DHRS1: variants seen among roughly 807,000 people sequenced by gnomAD.
DHRS1 encodes the protein dehydrogenase/reductase 1.
In DHRS1, 34 loss-of-function variants were observed where a neutral mutation model predicts 35.2. The observed-to-expected ratio is 0.97, with a 90% CI of 0.74 to 1.29. The LOEUF (loss-of-function observed/expected upper bound fraction) is 1.29, where lower values mean the gene tolerates loss of function less well. Among genes scored for constraint, DHRS1 ranks in the 50% most tolerant of loss-of-function variants. The pLI, the probability that DHRS1 is intolerant of heterozygous loss-of-function variation, is 0.00. For synonymous variants in DHRS1, 133 were observed against 160.0 expected (o/e 0.83, Z 1.27); for missense variants, 354 against 403.6 (o/e 0.88, Z 1.05).
intron 5 of DHRS1, 61 bp from the exon 6 acceptor site, chr14:24,292,391 C>A: frequency 6.2e-7 from 1 of 1,600,950 alleles, no homozygotes; most frequent in South Asian, 1.1e-5. Context: ...CTGCCCTGCC[C>A]TCTCTGCTTC....
At chr14:24,292,142 G>A (rs200703461) in intron 6 of DHRS1, 42 bp downstream of exon 6, 16 of 1,612,078 alleles carry the variant, frequency 9.9e-6, no homozygotes, top group South Asian at 3.3e-5. Flanking sequence ...TGCAGAGGCC[G>A]ACTCCCCTGT....
At position 24,299,158 on chromosome 14, in the gene DHRS1, G is replaced by A. The variant is rs779067737; in HGVS notation, c.-24-28C>T. The A allele has an allele frequency of 1.3e-5, 20 of 1,577,910 alleles. 1 individual carries two copies. The African/African-American group carries it at 1.5e-4, about 12-fold the overall frequency. ...GTGGAAGCAAAGACTTACTCTGAGG[G>A]AAGCCTGGAGACTGTGTGTGTGTTG... On this transcript the variant is annotated intron_variant, in intron 1 of 8. Coordinates refer to ENST00000288111, the MANE Select transcript of DHRS1 (RefSeq NM_001136050.3).
At position 24,291,546 on chromosome 14, in the gene DHRS1, C is replaced by G. The variant is rs779620619; in HGVS notation, c.724+10G>C. The G allele has an allele frequency of 1.9e-6, 3 of 1,614,042 alleles. No homozygotes were observed. In the South Asian group the frequency reaches 3.3e-5, roughly 18 times the overall value. The stretch of plus-strand genomic sequence containing the variant: ...GCCCTTTCTTATTACCAGCTGCCCC[C>G]AAACTTCACCTGTTGCCAAAGCCAC... On this transcript the variant is annotated intron_variant, in intron 7 of 8. Coordinates refer to ENST00000288111, the MANE Select transcript of DHRS1 (RefSeq NM_001136050.3).
At chr14:24,297,018 G>C in intron 2 of DHRS1, 137 bp from the exon 3 acceptor site, 1 of 1,166,650 alleles carries the variant, frequency 8.6e-7, no homozygotes, top group Non-Finnish European at 1.2e-6. Context: ...AACATGGCAG[G>C]CAACGCTGCC....
At chr14:24,294,134 A>G (rs1189360464) in intron 4 of DHRS1, 2 of 152,240 alleles carry the variant, frequency 1.3e-5, no homozygotes, top group Non-Finnish European at 2.9e-5. Context: ...GTACTGAAAG[A>G]AAACATGATC....
chr14:24,292,073 C>T, intron 6 of DHRS1, 111 bp downstream of exon 6: 2 of 1,359,826 alleles, frequency 1.5e-6, no homozygotes, highest in South Asian at 2.5e-5. Flanking sequence ...CATGCTCAGC[C>T]CTGCACCTGC....
rs1225944204 is a variant in DHRS1, at chr14:24,296,894, A to T, written c.151-13T>A. ...CGAGGGATTGTGCCTGGAGTAGGAC[A>T]GGGGATATGAGCTCACATTCACACA... On this transcript the variant is annotated splice_polypyrimidine_tract_variant and intron_variant, in intron 2 of 8. Coordinates refer to ENST00000288111, the MANE Select transcript of DHRS1 (RefSeq NM_001136050.3). The T allele has an allele frequency of 3.7e-6, 6 of 1,612,398 alleles. No homozygotes were observed. Among genetic ancestry groups the T allele is most frequent in the East Asian group, 2.3e-5 (1 of 43,532 alleles).
Position 24,296,728 on chromosome 14 carries a change from C to A in DHRS1, c.294+10G>T. 1 of 1,614,148 alleles carries A rather than the reference C, an allele frequency of 6.2e-7. No individual in the cohort carries two copies. The highest frequency in any genetic ancestry group is 1.1e-5 in the South Asian group (1 of 91,076). On this transcript the variant is annotated intron_variant, in intron 3 of 8. Coordinates refer to ENST00000288111, the MANE Select transcript of DHRS1 (RefSeq NM_001136050.3). ...GAAATGTGGAGTTGGGAACAAAGTT[C>A]AAAGGGTACCTGGACCCCTGCATAA... is the stretch of plus-strand genomic sequence containing the variant.
Position 24,299,051 on chromosome 14 carries a change from A to G in DHRS1, c.56T>C (p.Ile19Thr), listed in dbSNP as rs2139108250. 2 of 1,614,102 alleles carry G rather than the reference A, an allele frequency of 1.2e-6. No homozygotes were observed. Among genetic ancestry groups the G allele is most frequent in the Non-Finnish European group, 8.5e-7 (1 of 1,179,978 alleles). Residue 19 changes from isoleucine to threonine, a missense_variant, in exon 2 of 9, where the codon ATT becomes ACT. By Grantham distance (89) the Ile-to-Thr change is moderately conservative (BLOSUM62 -1). Transcript: ENST00000288111. ...VCVVTGASRGIGRGIALQLCK... is the reference protein window; with the variant it reads ...VCVVTGASRGTGRGIALQLCK... ...GAGCTGCAAGGCAATGCCACGGCCAATACCCCTGGAGGCACCAGTCACCAC... is the reference window on the plus strand; with the variant it reads ...GAGCTGCAAGGCAATGCCACGGCCAGTACCCCTGGAGGCACCAGTCACCAC...
In DHRS1 at chr14:24,298,943, G is replaced by A. The variant is rs2041313623; in HGVS notation, c.150+14C>T. ...GGTGGTTTCTGCAACTGTGGTCCCAGAGGAAGCACTCACCTCCTGAGCAAC... is the reference window on the plus strand; with the variant it reads ...GGTGGTTTCTGCAACTGTGGTCCCAAAGGAAGCACTCACCTCCTGAGCAAC... On this transcript the variant is annotated intron_variant, in intron 2 of 8. Coordinates refer to ENST00000288111, the MANE Select transcript of DHRS1 (RefSeq NM_001136050.3). 6.9e-6 allele frequency: 11 copies of A among 1,595,818 alleles called. No individual in the cohort carries two copies. Among genetic ancestry groups the A allele is most frequent in the Non-Finnish European group, 9.4e-6 (11 of 1,165,524 alleles).
intron 5 of DHRS1, 156 bp from the exon 6 acceptor site, chr14:24,292,486 A>G: frequency 6.8e-7 from 1 of 1,477,396 alleles, no homozygotes; most frequent in African/African-American, 1.4e-5. Context: ...TGCCTACTCT[A>G]GCCAACCAAG....
chr14:24,297,137 C>T (rs574062045), intron 2 of DHRS1, among the ~76,000 whole-genome samples: 1 of 152,220 alleles, frequency 6.6e-6, no homozygotes, highest in Non-Finnish European at 1.5e-5. Context: ...TGAGGCCCAC[C>T]ATGTGCACAG....
At chr14:24,291,340 T>G in intron 7 of DHRS1, 121 bp from the exon 8 acceptor site, 1 of 1,186,474 alleles carries the variant, frequency 8.4e-7, no homozygotes, top group Non-Finnish European at 1.2e-6. Flanking sequence ...GGAGAGCTCT[T>G]TCTCTTGGGC....
At position 24,299,162 on chromosome 14, in the gene DHRS1, C is replaced by G. The variant is rs1053634005; in HGVS notation, c.-24-32G>C. ...AAGCAAAGACTTACTCTGAGGGAAG[C>G]CTGGAGACTGTGTGTGTGTTGGGGC... is the stretch of plus-strand genomic sequence containing the variant. On this transcript the variant is annotated intron_variant, in intron 1 of 8. Coordinates refer to ENST00000288111, the MANE Select transcript of DHRS1 (RefSeq NM_001136050.3). 29 of 1,568,448 alleles carry G rather than the reference C, an allele frequency of 1.8e-5. No homozygotes were observed. The Middle Eastern group carries it at 5.1e-4, about 27-fold the overall frequency.
chr14:24,291,857 G>A (rs1470266661), intron 6 of DHRS1: 14 of 612,068 alleles, frequency 2.3e-5, no homozygotes, highest in Admixed American at 5.8e-5. Context: ...CTAAGTGGAA[G>A]GATCTGGTAG....
chr14:24,297,321 C>G (rs1256906987), intron 2 of DHRS1, among the ~76,000 whole-genome samples: 2 of 152,208 alleles, frequency 1.3e-5, no homozygotes, highest in Non-Finnish European at 2.9e-5. Flanking sequence ...TACCCTCACT[C>G]CACCAATGCT....
At chr14:24,293,866 G>A (rs997317980) in intron 4 of DHRS1, 9 of 152,094 alleles carry the variant, frequency 5.9e-5, no homozygotes, top group African/African-American at 2.2e-4. Flanking sequence ...AGACATAATA[G>A]TTAAAAGAAT....
intron 1 of DHRS1, 83 bp from the exon 2 acceptor site, chr14:24,299,213 C>T: frequency 2.3e-6 from 3 of 1,328,854 alleles, no homozygotes; most frequent in Non-Finnish European, 3.0e-6. Flanking sequence ...GGGAGAACCT[C>T]ACTAGGGCTA....
chr14:24,292,052 A>G, intron 6 of DHRS1, 132 bp downstream of exon 6: 1 of 1,126,972 alleles, frequency 8.9e-7, no homozygotes, highest in African/African-American at 1.5e-5. Flanking sequence ...TAAAGGAAAT[A>G]ATGTGTGTCC....
Sources: allele counts gnomAD v4.1 joint callset (sites outside exome capture counted in the v4.1 genomes callset), GRCh38; gene constraint gnomAD v4.1.1; transcripts MANE v1.5; gene names NCBI Gene and HGNC (gene_info 2026-07-23, HGNC 2026-07-21).